Variants in AGBL1 observed in about 807,000 individuals in gnomAD.
AGBL1 encodes cytosolic carboxypeptidase 4.
AGBL1 carries 130 observed loss-of-function variants against 118.9 expected under a neutral mutation model. The observed-to-expected ratio is 1.09, with a 90% CI of 0.95 to 1.26. The LOEUF is 1.26. Ranked by LOEUF, AGBL1 falls within the 50% of genes most tolerant of loss-of-function variation. The probability of loss-of-function intolerance (pLI) is 0.00; values close to 1 mark genes in which losing one functional copy is unlikely to be tolerated. For missense variants in AGBL1, 1,584 were observed against 1,298.1 expected, an observed-to-expected ratio of 1.22 and a Z score of -3.38; for synonymous variants, 555 against 478.9, an observed-to-expected ratio of 1.16 and a Z score of -2.08.
chr15:86,478,864 G>A (rs1274868849), intron 18 of AGBL1, among the ~76,000 whole-genome samples: 3 of 152,134 alleles, frequency 2.0e-5, no homozygotes, highest in Admixed American at 1.3e-4. Flanking sequence ...AAAACAGCAC[G>A]ATACTGGTAC....
At chr15:86,403,154 G>A (rs185806493) in intron 18 of AGBL1, among the ~76,000 whole-genome samples, 6 of 152,228 alleles carry the variant, frequency 3.9e-5, no homozygotes, top group Non-Finnish European at 8.8e-5. Context: ...GTATAAATGA[G>A]CACGGGGTGA....
At chr15:86,389,837 T>C (rs530919497) in intron 17 of AGBL1, among the ~76,000 whole-genome samples, 4 of 151,986 alleles carry the variant, frequency 2.6e-5, no homozygotes, top group Non-Finnish European at 5.9e-5. Flanking sequence ...TCAATCCAAA[T>C]GAAGGTCAGA....
chr15:86,219,631 T>G (rs770043658), intron 5 of AGBL1, among the ~76,000 whole-genome samples: 19 of 152,098 alleles, frequency 1.2e-4, no homozygotes, highest in Admixed American at 2.6e-4. Flanking sequence ...GTTCTTTGTC[T>G]TTGTCTCCAT....
intron 6 of AGBL1, among the ~76,000 whole-genome samples, chr15:86,227,848 A>G (rs959196098): frequency 2.0e-5 from 3 of 152,234 alleles, no homozygotes; most frequent in Non-Finnish European, 4.4e-5. Context: ...CAGATTCTAC[A>G]GGATCTTGAG....
chr15:86,764,503 T>C (rs2078069012), intron 22 of AGBL1, among the ~76,000 whole-genome samples: 1 of 152,038 alleles, frequency 6.6e-6, no homozygotes, highest in Non-Finnish European at 1.5e-5. Context: ...GACAAATATA[T>C]CAAATATTAA....
At chr15:86,567,948 G>A (rs2142303261) in intron 21 of AGBL1, among the ~76,000 whole-genome samples, 1 of 152,258 alleles carries the variant, frequency 6.6e-6, no homozygotes, top group Non-Finnish European at 1.5e-5. Flanking sequence ...TAAAAGGTGA[G>A]ATGGTTTTGA....
chr15:86,622,228 G>A (rs1242787892), intron 21 of AGBL1, among the ~76,000 whole-genome samples: 8 of 151,792 alleles, frequency 5.3e-5, no homozygotes, highest in Non-Finnish European at 1.2e-4. Flanking sequence ...TACTCAGGAG[G>A]CTGAGTCAGG....
At chr15:86,252,481 G>A (rs2078831725) in intron 7 of AGBL1, among the ~76,000 whole-genome samples, 1 of 152,188 alleles carries the variant, frequency 6.6e-6, no homozygotes, top group Admixed American at 6.5e-5. Flanking sequence ...AAAGATGAAG[G>A]TGATAGAGGA....
chr15:86,212,973 A>G (rs988044620), intron 5 of AGBL1, among the ~76,000 whole-genome samples: 1 of 152,150 alleles, frequency 6.6e-6, no homozygotes, highest in Non-Finnish European at 1.5e-5. Context: ...AAGTCTTCCC[A>G]TATCATCTGA....
In AGBL1 at chr15:86,466,383, G is replaced by A. The variant is rs189043260; in HGVS notation, c.2556-56427G>A. ...TTCTCCAAACTGGTTATTCTAGTTAGCAATTCCTCTAACCTTTTATCAAGG... is the reference window on the plus strand; with the variant it reads ...TTCTCCAAACTGGTTATTCTAGTTAACAATTCCTCTAACCTTTTATCAAGG... On this transcript the variant is annotated intron_variant, in intron 18 of 22. Coordinates refer to ENST00000614907, the MANE Select transcript of AGBL1 (RefSeq NM_001386094.1). 2.0e-5 allele frequency among the ~76,000 whole-genome samples: 3 copies of A among 152,302 alleles called. No homozygotes were observed. In the East Asian group the frequency reaches 5.8e-4, roughly 29 times the overall value.
intron 5 of AGBL1, among the ~76,000 whole-genome samples, chr15:86,208,748 T>C (rs2078039123): frequency 6.6e-6 from 1 of 152,204 alleles, no homozygotes; most frequent in Admixed American, 6.5e-5. Context: ...CTATCAATTA[T>C]GTTGATGTTT....
At chr15:86,962,990 T>C (rs1269040214) in intron 23 of AGBL1, among the ~76,000 whole-genome samples, 1 of 152,116 alleles carries the variant, frequency 6.6e-6, no homozygotes, top group Admixed American at 6.6e-5. Flanking sequence ...ATTGCACTTA[T>C]CTTTTAAAAC....
chr15:86,557,736 CTTCT>C (rs2083755258), intron 21 of AGBL1, among the ~76,000 whole-genome samples: 1 of 152,096 alleles, frequency 6.6e-6, no homozygotes, highest in South Asian at 2.1e-4. Flanking sequence ...TTTACAATCT[CTTCT>C]TTCTTTTTTT....
intron 22 of AGBL1, among the ~76,000 whole-genome samples, chr15:86,691,486 C>T (rs932014928): frequency 5.9e-5 from 9 of 152,252 alleles, no homozygotes; most frequent in African/African-American, 2.2e-4. Context: ...GAAAATTGGA[C>T]TCCTGAAAGG....
chr15:86,398,388 A>G (rs2081398364), intron 18 of AGBL1, among the ~76,000 whole-genome samples: 1 of 152,202 alleles, frequency 6.6e-6, no homozygotes, highest in Non-Finnish European at 1.5e-5. Flanking sequence ...TTGCCATGGT[A>G]ATAGATGAAT....
rs113985341 is a variant in AGBL1, at chr15:86,619,574, C to T, written c.2995-54699C>T. On this transcript the variant is annotated intron_variant, in intron 21 of 22. Coordinates refer to ENST00000614907, the MANE Select transcript of AGBL1 (RefSeq NM_001386094.1). ...TCTTTCCTGTTAAGAGGTAATTAGA[C>T]GCTGCTGGTCAGTGCAGTCCTATGA... is the stretch of plus-strand genomic sequence containing the variant. Among the ~76,000 whole-genome samples the T allele has an allele frequency of 6.2e-3, 938 of 152,210 alleles. 10 individuals are homozygous for T. Among genetic ancestry groups the T allele is most frequent in the Admixed American group, 0.015 (233 of 15,290 alleles).
At chr15:86,765,764 A>T (rs1456797795) in intron 22 of AGBL1, among the ~76,000 whole-genome samples, 1 of 151,042 alleles carries the variant, frequency 6.6e-6, no homozygotes, top group Non-Finnish European at 1.5e-5. Flanking sequence ...TGGAGTATGA[A>T]TCTGAAGAAG....
chr15:86,916,948 G>A (rs898638882), downstream of AGBL1, among the ~76,000 whole-genome samples: 1 of 152,152 alleles, frequency 6.6e-6, no homozygotes, highest in Non-Finnish European at 1.5e-5. Context: ...AAAAGCTTCC[G>A]AAATCAGGGC....
intron 22 of AGBL1, among the ~76,000 whole-genome samples, chr15:86,879,944 G>A (rs371973086): frequency 6.6e-6 from 1 of 152,194 alleles, no homozygotes; most frequent in South Asian, 2.1e-4. Flanking sequence ...AAATCTGGGA[G>A]TTCTGGTAAC....
Sources: allele counts gnomAD v4.1 joint callset (sites outside exome capture counted in the v4.1 genomes callset), GRCh38; gene constraint gnomAD v4.1.1; transcripts MANE v1.5; gene names NCBI Gene and HGNC (gene_info 2026-07-23, HGNC 2026-07-21).